ERI2: variants seen among roughly 807,000 people sequenced by gnomAD.
The protein encoded by ERI2 is ERI1 exoribonuclease 2.
ERI2 carries 35 observed loss-of-function variants against 46.8 expected under a neutral mutation model. The ratio of observed to expected loss-of-function variants is 0.75; its 90% confidence interval spans 0.57 to 0.99. ERI2 has a LOEUF of 0.99. ERI2 is among the 50% of genes least tolerant of loss of function. The pLI is 0.00. For synonymous variants in ERI2, 224 were observed against 271.0 expected (o/e 0.83, Z 1.70); for missense variants, 695 against 796.2 (o/e 0.87, Z 1.53).
intron 10 of ERI2, chr16:20,781,205 C>T: frequency 6.5e-7 from 1 of 1,530,018 alleles, no homozygotes; most frequent in Non-Finnish European, 8.9e-7. Flanking sequence ...GTGAATAAAG[C>T]AACTTGCAGA....
chr16:20,802,705 C>G, intron 4 of ERI2, 91 bp downstream of exon 4: 1 of 1,427,184 alleles, frequency 7.0e-7, no homozygotes, highest in South Asian at 1.5e-5. Context: ...AGCCATCATG[C>G]CTAACACTAA....
intron 10 of ERI2, among the ~76,000 whole-genome samples, chr16:20,785,716 C>T (rs1414719410): frequency 6.6e-6 from 1 of 152,064 alleles, no homozygotes; most frequent in Non-Finnish European, 1.5e-5. Flanking sequence ...CTTTATAATG[C>T]TTCAATTTAT....
chr16:20,783,369 G>A (rs1316446783), intron 10 of ERI2: 1 of 152,156 alleles, frequency 6.6e-6, no homozygotes. Context: ...GAGACCAGAA[G>A]TCTTTTGGAT....
chr16:20,790,466 A>G lies in ERI2; in HGVS notation c.815+384T>C, dbSNP rs1315197944. ...AGTGAGACCTTGTCTCACACACACA[A>G]AATTTTTTTTAAGTCTTCATTTTTA... On this transcript the variant is annotated intron_variant, in intron 9 of 10. Transcript: ENST00000300005. This position sits in a 1 kb window ranked among gnomAD's most constrained non-coding sequence, Gnocchi z 4.0. 1.1e-6 allele frequency: 1 copy of G among 950,898 alleles called. No individual in the cohort carries two copies. The highest frequency in any genetic ancestry group is 1.7e-5 in the African/African-American group (1 of 60,108). The allele number at this position is 950,898 out of a possible 1,614,324, so 58.9% of individuals were successfully genotyped here. A position where few individuals can be genotyped will look rare whatever the true frequency, so the allele number is the denominator to read the frequency against.
At chr16:20,781,575 A>G in intron 10 of ERI2, 2 of 754,484 alleles carry the variant, frequency 2.7e-6, no homozygotes, top group South Asian at 3.1e-5. Context: ...CTGAGGGATG[A>G]TTCTACAAGA....
chr16:20,792,082 G>T, downstream of ERI2: 1 of 1,614,094 alleles, frequency 6.2e-7, no homozygotes, highest in African/African-American at 1.3e-5. Context: ...ATAAAGATGG[G>T]TATTTCTGGT....
In ERI2 at chr16:20,798,686, T is replaced by C. The variant is rs1447733873; in HGVS notation, c.1114A>G (p.Thr372Ala). The C allele has an allele frequency of 1.9e-6, 3 of 1,551,608 alleles. No individual in the cohort carries two copies. The highest frequency in any genetic ancestry group is 1.4e-5 in the African/African-American group (1 of 73,052). Residue 372 changes from threonine to alanine, a missense_variant, in exon 9 of 9, where the codon ACA becomes GCA. Coordinates refer to ENST00000357967, the MANE Select transcript of ERI2 (RefSeq NM_001142725.2). ...ACAAGTACCAATTCTGAACCAACTGTTGAAGCCTTAGATTTGGTATTAAAT... is the reference window on the plus strand; with the variant it reads ...ACAAGTACCAATTCTGAACCAACTGCTGAAGCCTTAGATTTGGTATTAAAT... ...LAFNTKSKAS[T>A]VGSELVLVST...
rs151256437 is a variant in ERI2, at chr16:20,786,982, C to T, written c.894+2497G>A. Among the ~76,000 whole-genome samples, 225 of 152,284 alleles carry T rather than the reference C, an allele frequency of 1.5e-3. 1 individual carries two copies. The highest frequency in any genetic ancestry group is 2.9e-3 in the Admixed American group (44 of 15,292). On this transcript the variant is annotated intron_variant, in intron 10 of 10. Transcript: ENST00000300005. ...GCTGCAGCACTTTCCCTCTCTGCTC[C>T]CAAGCCTGCCTGGCCATTTCCAGCC...
chr16:20,784,762 A>G (rs563008609), intron 10 of ERI2: 29 of 300,124 alleles, frequency 9.7e-5, no homozygotes, highest in Non-Finnish European at 1.6e-4. Context: ...GTATCATTCT[A>G]TGATATTAGA....
chr16:20,792,137 T>C, downstream of ERI2: 1 of 1,614,166 alleles, frequency 6.2e-7, no homozygotes, highest in Non-Finnish European at 8.5e-7. Context: ...TGGGTAACTT[T>C]CTTTTCCATA....
Position 20,797,828 on chromosome 16 carries a change from C to G in ERI2, c.1972G>C (p.Gly658Arg), listed in dbSNP as rs774686955. 2 of 1,551,486 alleles carry G rather than the reference C, an allele frequency of 1.3e-6. No individual in the cohort carries two copies. Among genetic ancestry groups the G allele is most frequent in the South Asian group, 2.4e-5 (2 of 84,050 alleles). ...ANSMVPSHST[G>R]GLTFSSPETS... ...TCTGGAGAACTAAAAGTGAGTCCCC[C>G]TGTGGAATGAGATGGAACCATGCTG... Residue 658 changes from glycine to arginine, a missense_variant, in exon 9 of 9, where the codon GGG becomes CGG. By Grantham distance (125) the Gly-to-Arg change is moderately radical. Coordinates refer to ENST00000357967, the MANE Select transcript of ERI2 (RefSeq NM_001142725.2).
Position 20,785,050 on chromosome 16 carries a change from A to C in ERI2, c.895-4316T>G, listed in dbSNP as rs537932144. The stretch of plus-strand genomic sequence containing the variant: ...AACCAATTACCCCTGACGTGACTGA[A>C]AAATGGAGAAACAAGACGGGCCTGG... On this transcript the variant is annotated intron_variant, in intron 10 of 10. Coordinates refer to the ERI2 transcript ENST00000300005. 6.2e-7 allele frequency: 1 copy of C among 1,613,822 alleles called. No individual in the cohort carries two copies. The highest frequency in any genetic ancestry group is 1.7e-5 in the Admixed American group (1 of 60,014).
At chr16:20,803,564 A>C (rs2080818078) in intron 2 of ERI2, 39 bp downstream of exon 2, 1 of 1,614,048 alleles carries the variant, frequency 6.2e-7, no homozygotes, top group East Asian at 2.2e-5. Context: ...CTGAAAATGC[A>C]AGGCTACAAA....
chr16:20,796,291 C>G, downstream of ERI2: 6 of 1,554,694 alleles, frequency 3.9e-6, no homozygotes, highest in Non-Finnish European at 5.2e-6. Context: ...CATGTAGATT[C>G]TCAGAGCAAG....
chr16:20,806,214 G>A (rs1229747443), intron 1 of ERI2, 194 bp downstream of exon 1: 11 of 1,400,898 alleles, frequency 7.9e-6, no homozygotes, highest in Middle Eastern at 5.3e-4. Flanking sequence ...TCGGGTAGAA[G>A]GTGGCCCAAG....
chr16:20,781,930 TTGCC>T, intron 10 of ERI2: 1 of 634,666 alleles, frequency 1.6e-6, no homozygotes, highest in Non-Finnish European at 2.7e-6. Flanking sequence ...TTTCTCCTTC[TTGCC>T]TGCATTCTGT....
chr16:20,783,444 A>G (rs1003102584), intron 10 of ERI2: 5 of 152,210 alleles, frequency 3.3e-5, no homozygotes, highest in African/African-American at 1.2e-4. Flanking sequence ...ATCCAAAAAC[A>G]TGAAACCTGA....
intron 10 of ERI2, chr16:20,784,883 C>T (rs1229260483): frequency 1.6e-5 from 21 of 1,334,554 alleles, no homozygotes; most frequent in African/African-American, 3.0e-5. Context: ...AATTAAAAAG[C>T]GACTAAAACA....
At chr16:20,794,713 C>T (rs2152491276), downstream of ERI2, among the ~76,000 whole-genome samples, 1 of 152,248 alleles carries the variant, frequency 6.6e-6, no homozygotes, top group Middle Eastern at 3.4e-3. Context: ...ATGTGCCAGG[C>T]ATTATACATC....
Sources: gnomAD v4.1 joint callset for allele counts (sites outside exome capture counted in the v4.1 genomes callset) on GRCh38, gnomAD v4.1.1 for gene constraint, Gnocchi (gnomAD v3.1) non-coding constraint, MANE v1.5 for transcripts, NCBI Gene and HGNC (gene_info 2026-07-23, HGNC 2026-07-21) for gene names.